Variants in RASGRF1 observed in about 807,000 individuals in gnomAD.
RASGRF1 encodes ras-specific guanine nucleotide-releasing factor 1.
Under a neutral mutation model 138.7 loss-of-function variants are expected in RASGRF1, and 40 were observed. That is an observed-to-expected ratio of 0.29 (90% confidence interval 0.22 to 0.38). The LOEUF (loss-of-function observed/expected upper bound fraction) is 0.38, where lower values mean the gene tolerates loss of function less well. Ranked by LOEUF, RASGRF1 falls within the 10% of genes least tolerant of loss-of-function variation. RASGRF1 has a pLI of 1.00. For synonymous variants in RASGRF1, 614 were observed against 663.2 expected (o/e 0.93, Z 1.14); for missense variants, 1,108 against 1,650.4 (o/e 0.67, Z 5.69).
intron 1 of RASGRF1, among the ~76,000 whole-genome samples, chr15:79,068,127 GAGGT>G (rs1367513485): frequency 6.6e-6 from 1 of 152,140 alleles, no homozygotes; most frequent in South Asian, 2.1e-4. Context: ...AGCCACGGTG[GAGGT>G]AGGTGGCACG....
chr15:79,024,816 T>C (rs867024219), intron 10 of RASGRF1, among the ~76,000 whole-genome samples: 1 of 151,870 alleles, frequency 6.6e-6, no homozygotes, highest in Non-Finnish European at 1.5e-5. Flanking sequence ...TATTTCTTCA[T>C]AGCAGTATGA....
intron 13 of RASGRF1, among the ~76,000 whole-genome samples, chr15:79,014,779 T>G (rs2056851297): frequency 6.6e-6 from 1 of 152,034 alleles, no homozygotes; most frequent in Non-Finnish European, 1.5e-5. Context: ...TAGCCAGGCA[T>G]GGTGGCACAC....
chr15:79,068,490 TATAC>T (rs201736315), intron 1 of RASGRF1, among the ~76,000 whole-genome samples: 14,726 of 66,470 alleles, frequency 0.22, 1,022 homozygotes, highest in African/African-American at 0.45. Context: ...TATATATATA[TATAC>T]ACACACACAC....
intron 22 of RASGRF1, among the ~76,000 whole-genome samples, chr15:78,986,203 A>T (rs1389762360): frequency 6.6e-6 from 1 of 152,144 alleles, no homozygotes. Context: ...CACACACATG[A>T]ACAAATCAAA....
intron 3 of RASGRF1, among the ~76,000 whole-genome samples, chr15:79,056,182 T>G (rs1194959589): frequency 6.6e-6 from 1 of 152,208 alleles, no homozygotes; most frequent in Non-Finnish European, 1.5e-5. Flanking sequence ...AGGAGGCGGA[T>G]AGTGCACTGG....
intron 16 of RASGRF1, 76 bp from the exon 17 acceptor site, chr15:78,999,989 G>A (rs905248938): frequency 1.8e-5 from 27 of 1,506,756 alleles, no homozygotes; most frequent in African/African-American, 2.8e-5. Context: ...CAGGGGTCCC[G>A]AGGCTAGAGC....
At chr15:78,983,394 T>C (rs1238803038) in intron 23 of RASGRF1, among the ~76,000 whole-genome samples, 1 of 152,224 alleles carries the variant, frequency 6.6e-6, no homozygotes, top group Admixed American at 6.5e-5. Flanking sequence ...CCACTGACTG[T>C]CCTTGATTTG....
chr15:79,056,462 G>C (rs957538246), intron 3 of RASGRF1, among the ~76,000 whole-genome samples: 1 of 152,290 alleles, frequency 6.6e-6, no homozygotes, highest in African/African-American at 2.4e-5. Flanking sequence ...TGGTAGCCCT[G>C]TGGGAAGAGG....
At chr15:78,964,962 C>A (rs1319427995) in intron 26 of RASGRF1, among the ~76,000 whole-genome samples, 1 of 152,130 alleles carries the variant, frequency 6.6e-6, no homozygotes, top group Non-Finnish European at 1.5e-5. Flanking sequence ...AGGTGATCCA[C>A]CCTCCTCGGC....
chr15:79,057,834 G>C (rs78694905), intron 3 of RASGRF1, among the ~76,000 whole-genome samples: 18 of 152,346 alleles, frequency 1.2e-4, no homozygotes, highest in Middle Eastern at 6.8e-3. Context: ...ATGCTGGCTG[G>C]TGGGCCGCTG....
chr15:78,984,604 C>T lies in RASGRF1; in HGVS notation c.3414+403G>A, dbSNP rs574726889. ...GGAAGGGGCTTGCAGGATCATCTGACGGAAGTGTCCTCTGACGGAAGGGTC... is the reference window on the plus strand; with the variant it reads ...GGAAGGGGCTTGCAGGATCATCTGATGGAAGTGTCCTCTGACGGAAGGGTC... On this transcript the variant is annotated intron_variant, in intron 23 of 26. Transcript: ENST00000558480. The T allele has an allele frequency of 6.6e-5, 17 of 258,386 alleles. No homozygotes were observed. In the East Asian group the frequency reaches 7.0e-4, roughly 11 times the overall value. 16.0% of individuals were successfully genotyped at this position (258,386 alleles called of 1,614,324 possible). A position where few individuals can be genotyped will look rare whatever the true frequency, so the allele number is the denominator to read the frequency against.
rs62011238 is a variant in RASGRF1, at chr15:79,032,616, G to T, written c.959-300C>A. Among the ~76,000 whole-genome samples the T allele has an allele frequency of 6.6e-6, 1 of 152,294 alleles. No individual in the cohort carries two copies. The highest frequency in any genetic ancestry group is 2.1e-4 in the South Asian group (1 of 4,824). On this transcript the variant is annotated intron_variant, in intron 6 of 26. Transcript: ENST00000558480. This position sits in a 1 kb window ranked among gnomAD's most constrained non-coding sequence, Gnocchi z 4.5. The stretch of plus-strand genomic sequence containing the variant: ...GAGGAGGTAGAGTGGGCGCTGTGGG[G>T]TGCCACCTGGATCCCCCCAGCTGCC...
intron 2 of RASGRF1, among the ~76,000 whole-genome samples, 165 bp from the exon 3 acceptor site, chr15:79,058,646 G>A (rs1489997560): frequency 1.3e-5 from 2 of 152,310 alleles, no homozygotes; most frequent in South Asian, 4.1e-4. Flanking sequence ...GTAGAGGTGG[G>A]GGCAGTCCAG....
chr15:79,074,174 C>G (rs1165167230), intron 1 of RASGRF1, among the ~76,000 whole-genome samples: 1 of 151,736 alleles, frequency 6.6e-6, no homozygotes, highest in Admixed American at 6.6e-5. Flanking sequence ...GCACTAGCTG[C>G]CTTCTGAATC....
chr15:78,995,528 A>T (rs1317440422), intron 20 of RASGRF1, among the ~76,000 whole-genome samples: 1 of 152,154 alleles, frequency 6.6e-6, no homozygotes, highest in Non-Finnish European at 1.5e-5. Context: ...ACCTCAGGTG[A>T]TCTGCCCACC....
At position 78,979,032 on chromosome 15, in the gene RASGRF1, A is replaced by T. The variant is rs543423272; in HGVS notation, c.3494+1588T>A. 1.5e-5 allele frequency: 20 copies of T among 1,293,148 alleles called. No individual in the cohort carries two copies. The African/African-American group carries it at 2.0e-4, about 13-fold the overall frequency. 80.1% of individuals were successfully genotyped at this position (1,293,148 alleles called of 1,614,324 possible). ...GAGGCAGCGGTGGTGGCGGCGGCAG[A>T]CGAGGAAGCCAGCCATGTGAGGAGG... On this transcript the variant is annotated intron_variant, in intron 24 of 26. Transcript: ENST00000558480.
At chr15:79,020,991 A>C (rs1246730411) in intron 10 of RASGRF1, among the ~76,000 whole-genome samples, 2 of 152,146 alleles carry the variant, frequency 1.3e-5, no homozygotes, top group African/African-American at 4.8e-5. Context: ...ACCAACTGGC[A>C]TGTTGTGGGG....
intron 5 of RASGRF1, among the ~76,000 whole-genome samples, chr15:79,041,162 T>C (rs2057292756): frequency 1.3e-5 from 2 of 152,268 alleles, no homozygotes; most frequent in South Asian, 4.1e-4. Context: ...CATTTTTAAA[T>C]GGTTGAAAAC....
At chr15:79,010,032 G>GC (rs1383290095) in intron 13 of RASGRF1, among the ~76,000 whole-genome samples, 1 of 128,858 alleles carries the variant, frequency 7.8e-6, no homozygotes, top group Non-Finnish European at 1.6e-5. Flanking sequence ...CTCTTTGTTT[G>GC]TTTTTTTTTT....
Sources: allele counts gnomAD v4.1 joint callset (sites outside exome capture counted in the v4.1 genomes callset), GRCh38; gene constraint gnomAD v4.1.1; non-coding constraint Gnocchi (gnomAD v3.1); transcripts MANE v1.5; gene names NCBI Gene and HGNC (gene_info 2026-07-23, HGNC 2026-07-21).